The following CASK variants were observed in gnomAD, a reference collection of about 807,000 sequenced individuals.
The protein encoded by CASK is peripheral plasma membrane protein CASK.
CASK carries 4 observed loss-of-function variants against 82.9 expected under a neutral mutation model. That is an observed-to-expected ratio of 0.05 (90% CI 0.02 to 0.11). The LOEUF (loss-of-function observed/expected upper bound fraction) is 0.11. Ranked by LOEUF, CASK falls within the 10% of genes least tolerant of loss-of-function variation. CASK has a pLI of 1.00. For missense variants in CASK, 358 were observed against 720.9 expected (o/e 0.50, Z 5.76); for synonymous variants, 259 against 253.5 (o/e 1.02, Z -0.20).
intron 1 of CASK, among the ~76,000 whole-genome samples, chrX:41,912,828 TATA>T (rs1383072617): frequency 3.3e-4 from 34 of 104,405 alleles, no homozygotes; most frequent in Admixed American, 2.6e-3. Context: ...TAAAAATATA[TATA>T]ATGTTATAAT....
intron 12 of CASK, among the ~76,000 whole-genome samples, chrX:41,597,999 T>A (rs943554461): frequency 1.8e-5 from 2 of 109,468 alleles, no homozygotes; most frequent in African/African-American, 6.7e-5. Flanking sequence ...ATTAGCCAGG[T>A]GTGGTGGCGC....
chrX:41,891,866 G>C (rs1214296811), intron 1 of CASK, among the ~76,000 whole-genome samples: 1 of 112,084 alleles, frequency 8.9e-6, no homozygotes, highest in African/African-American at 3.2e-5. Context: ...AAAAGTATGA[G>C]GAAAACTAAT....
At chrX:41,763,152 A>G (rs1490492998) in intron 3 of CASK, among the ~76,000 whole-genome samples, 1 of 111,506 alleles carries the variant, frequency 9.0e-6, no homozygotes, top group Admixed American at 9.6e-5. Flanking sequence ...AAAAGCAGAA[A>G]GAAATTACTT....
chrX:41,554,662 A>G (rs1175821953), intron 20 of CASK, among the ~76,000 whole-genome samples: 1 of 111,806 alleles, frequency 8.9e-6, no homozygotes, highest in Non-Finnish European at 1.9e-5. Context: ...GAAATAGATT[A>G]GCATTCAAGG....
chrX:41,899,699 T>G (rs768261431), intron 1 of CASK, among the ~76,000 whole-genome samples: 1 of 112,021 alleles, frequency 8.9e-6, no homozygotes, highest in Non-Finnish European at 1.9e-5. Flanking sequence ...ATGTCACAAT[T>G]TACAGCTTGT....
At chrX:41,885,144 C>T (rs1480072357) in intron 1 of CASK, among the ~76,000 whole-genome samples, 2 of 111,484 alleles carry the variant, frequency 1.8e-5, no homozygotes, top group African/African-American at 6.5e-5. Context: ...TATATGTTGC[C>T]CCATGTCTAC....
At chrX:41,808,227 G>A (rs1242902082) in intron 2 of CASK, among the ~76,000 whole-genome samples, 1 of 111,702 alleles carries the variant, frequency 9.0e-6, no homozygotes, top group Non-Finnish European at 1.9e-5. Context: ...GTTTTGGCAG[G>A]GACATCCAAA....
intron 21 of CASK, among the ~76,000 whole-genome samples, chrX:41,553,404 T>C (rs1487799699): frequency 9.0e-6 from 1 of 111,269 alleles, no homozygotes; most frequent in East Asian, 2.8e-4. Context: ...AATGCCATTC[T>C]AAAACAATTA....
chrX:41,883,942 T>C (rs1465495099), intron 1 of CASK, among the ~76,000 whole-genome samples: 4 of 112,194 alleles, frequency 3.6e-5, no homozygotes, highest in African/African-American at 1.3e-4. Context: ...ATACCTGCCC[T>C]TCCTTTGGCA....
At chrX:41,721,192 T>C (rs1357985798) in intron 5 of CASK, among the ~76,000 whole-genome samples, 1 of 110,610 alleles carries the variant, frequency 9.0e-6, no homozygotes, top group Non-Finnish European at 1.9e-5. Context: ...AAGAAAACTA[T>C]TGGTGATTTG....
At chrX:41,786,568 T>C (rs1276355687) in intron 3 of CASK, among the ~76,000 whole-genome samples, 5 of 110,377 alleles carry the variant, frequency 4.5e-5, no homozygotes, top group Admixed American at 2.9e-4. Context: ...GGATCAAAGA[T>C]AAAACCCTGT....
At chrX:41,608,401 C>G (rs1026413978) in intron 12 of CASK, among the ~76,000 whole-genome samples, 3 of 111,788 alleles carry the variant, frequency 2.7e-5, no homozygotes, top group Non-Finnish European at 5.6e-5. Context: ...CATGGCAACA[C>G]CCATAGCAAC....
intron 3 of CASK, among the ~76,000 whole-genome samples, chrX:41,747,612 G>T (rs2068712543): frequency 9.0e-6 from 1 of 111,474 alleles, no homozygotes; most frequent in African/African-American, 3.3e-5. Context: ...CTAATTTTTT[G>T]TATTTGTTTT....
chrX:41,711,284 G>A (rs2067973564), intron 5 of CASK, among the ~76,000 whole-genome samples: 1 of 112,151 alleles, frequency 8.9e-6, no homozygotes, highest in African/African-American at 3.2e-5. Context: ...TTGCTTGCTT[G>A]TTGGTTGGGG....
chrX:41,545,418 C>G lies in CASK; in HGVS notation c.2040-2612G>C, dbSNP rs190224509. Among the ~76,000 whole-genome samples, 610 of 112,335 alleles carry G rather than the reference C, an allele frequency of 5.4e-3. 5 individuals are homozygous for G. Among genetic ancestry groups the G allele is most frequent in the African/African-American group, 0.019 (586 of 30,952 alleles). ...CAATTGTCCTACATTATTTAAAAGC[C>G]TGTCCATTCCTCATTGCTGTGCAGT... On this transcript the variant is annotated intron_variant, in intron 21 of 26. Transcript: ENST00000378163.
intron 15 of CASK, among the ~76,000 whole-genome samples, chrX:41,574,024 G>GT (rs1365013344): frequency 6.4e-5 from 7 of 109,888 alleles, no homozygotes; most frequent in African/African-American, 9.9e-5. Context: ...CTTTTGGATG[G>GT]TTTTTTTTTC....
chrX:41,709,818 T>C (rs919159447), intron 5 of CASK, among the ~76,000 whole-genome samples: 1 of 111,459 alleles, frequency 9.0e-6, no homozygotes, highest in Admixed American at 9.6e-5. Flanking sequence ...ACATGAGATA[T>C]TCAATTCTTC....
chrX:41,546,206 C>G (rs981846947), intron 21 of CASK, among the ~76,000 whole-genome samples: 6 of 110,911 alleles, frequency 5.4e-5, no homozygotes, highest in Non-Finnish European at 9.4e-5. Context: ...AACTCCTGAC[C>G]TCAGGTGATC....
At chrX:41,874,154 T>C (rs1409897727) in intron 1 of CASK, among the ~76,000 whole-genome samples, 1 of 107,274 alleles carries the variant, frequency 9.3e-6, no homozygotes, top group African/African-American at 3.4e-5. Context: ...TAATAGTCTG[T>C]TACTACCATA....
Sources: allele counts gnomAD v4.1 joint callset (sites outside exome capture counted in the v4.1 genomes callset), GRCh38; gene constraint gnomAD v4.1.1; transcripts MANE v1.5; gene names NCBI Gene and HGNC (gene_info 2026-07-23, HGNC 2026-07-21).